The following DLGAP2 variants were observed in gnomAD, a reference collection of about 807,000 sequenced individuals.
The protein encoded by DLGAP2 is disks large-associated protein 2.
A neutral mutation model predicts 100.3 loss-of-function variants in DLGAP2; 26 were observed. The observed-to-expected ratio is 0.26, with a 90% confidence interval of 0.19 to 0.36. The LOEUF (loss-of-function observed/expected upper bound fraction) is 0.36. Among genes scored for constraint, DLGAP2 ranks in the 10% least tolerant of loss-of-function variants. The probability of loss-of-function intolerance (pLI) is 1.00; values close to 1 mark genes in which losing one functional copy is unlikely to be tolerated. For missense variants in DLGAP2, 1,858 were observed against 1,453.2 expected, an observed-to-expected ratio of 1.28 and a Z score of -4.53; for synonymous variants, 886 against 630.1, an observed-to-expected ratio of 1.41 and a Z score of -6.08.
At chr8:800,861 C>T (rs1796136889) in intron 1 of DLGAP2, among the ~76,000 whole-genome samples, 1 of 152,144 alleles carries the variant, frequency 6.6e-6, no homozygotes, top group South Asian at 2.1e-4. Flanking sequence ...GTCTCCAAGG[C>T]CGGGTCTGTA....
chr8:1,139,651 GC>G (rs1392748126), intron 2 of DLGAP2, among the ~76,000 whole-genome samples: 3 of 152,146 alleles, frequency 2.0e-5, no homozygotes, highest in Non-Finnish European at 4.4e-5. Context: ...TTAACATGAA[GC>G]CCAGGGAGAC....
At chr8:1,342,080 A>C (rs1801431093) in intron 3 of DLGAP2, among the ~76,000 whole-genome samples, 1 of 151,932 alleles carries the variant, frequency 6.6e-6, no homozygotes, top group South Asian at 2.1e-4. Flanking sequence ...CTTCCCAGGT[A>C]GCTGGGGCAA....
intron 4 of DLGAP2, among the ~76,000 whole-genome samples, chr8:1,514,774 C>A (rs959780892): frequency 6.6e-6 from 1 of 152,210 alleles, no homozygotes; most frequent in Admixed American, 6.5e-5. Flanking sequence ...GTCCATGTAG[C>A]TGCTGCATCT....
At chr8:989,383 A>G (rs1050554176) in intron 2 of DLGAP2, among the ~76,000 whole-genome samples, 1 of 152,104 alleles carries the variant, frequency 6.6e-6, no homozygotes, top group African/African-American at 2.4e-5. Context: ...TCCATAGTAG[A>G]CGTCCAAACC....
intron 1 of DLGAP2, among the ~76,000 whole-genome samples, chr8:782,678 A>G (rs932929358): frequency 2.6e-5 from 4 of 152,172 alleles, no homozygotes; most frequent in African/African-American, 9.7e-5. Flanking sequence ...CCACCCCTGA[A>G]CACTGATTTT....
intron 2 of DLGAP2, among the ~76,000 whole-genome samples, chr8:979,576 C>T (rs1584943106): frequency 6.6e-6 from 1 of 152,096 alleles, no homozygotes; most frequent in African/African-American, 2.4e-5. Context: ...TTTGCACCTG[C>T]CTGTAATGAT....
intron 1 of DLGAP2, among the ~76,000 whole-genome samples, chr8:789,595 C>T (rs1204126799): frequency 1.3e-5 from 2 of 152,190 alleles, no homozygotes; most frequent in African/African-American, 2.4e-5. Context: ...CTTAAATTTT[C>T]AGTTAGGTAA....
At chr8:1,079,651 G>T (rs937818745) in intron 2 of DLGAP2, among the ~76,000 whole-genome samples, 1 of 152,166 alleles carries the variant, frequency 6.6e-6, no homozygotes, top group African/African-American at 2.4e-5. Context: ...GGAACTCTCC[G>T]AGGTGCTGGA....
At chr8:779,735 G>C (rs779188340) in intron 1 of DLGAP2, among the ~76,000 whole-genome samples, 8 of 152,060 alleles carry the variant, frequency 5.3e-5, no homozygotes, top group African/African-American at 1.9e-4. Flanking sequence ...CTCTCAAGCA[G>C]ACACTAACAG....
At position 756,942 on chromosome 8, in the gene DLGAP2, C is replaced by G. The variant is rs548212958; in HGVS notation, c.18+19117C>G. Among the ~76,000 whole-genome samples, 17 of 152,306 alleles carry G rather than the reference C, an allele frequency of 1.1e-4. No homozygotes were observed. The South Asian group carries it at 3.5e-3, about 32-fold the overall frequency. ...AGACCCAGATTTCCCCTTTCTGGCT[C>G]TCGAGTTTTCTGCAAAATGTCCTCT... On this transcript the variant is annotated intron_variant, in intron 1 of 14. Coordinates refer to ENST00000637795, the MANE Select transcript of DLGAP2 (RefSeq NM_001346810.2).
At chr8:1,175,200 A>G (rs955935780) in intron 2 of DLGAP2, among the ~76,000 whole-genome samples, 2 of 152,298 alleles carry the variant, frequency 1.3e-5, no homozygotes, top group South Asian at 2.1e-4. Context: ...ATTACTAACT[A>G]GTAACCCGCA....
Position 993,441 on chromosome 8 carries a change from AGACCCCCTG to A in DLGAP2, c.73+85476_73+85484del. 5.7e-4 allele frequency among the ~76,000 whole-genome samples: 2 copies of A among 3,486 alleles called. 1 individual carries two copies. The highest frequency in any genetic ancestry group is 0.029 in the South Asian group (2 of 70). The allele number at this position is 3,486 out of a possible 152,430, so 2.3% of individuals were successfully genotyped here. A position where few individuals can be genotyped will look rare whatever the true frequency, so the allele number is the denominator to read the frequency against. On this transcript the variant is annotated intron_variant, in intron 2 of 14. Transcript: ENST00000637795. ...CCTGTTCTTCTCTCCCACCTTGCCC[AGACCCCCTG>A]CACCCCCATACTCGGAGTTCCTGTT... is the stretch of plus-strand genomic sequence containing the variant.
chr8:842,495 T>G (rs1249855511), intron 1 of DLGAP2, among the ~76,000 whole-genome samples: 3 of 152,230 alleles, frequency 2.0e-5, no homozygotes, highest in Admixed American at 2.0e-4. Context: ...ACTCTCTTTA[T>G]TGCTCAGTAA....
At chr8:1,306,910 C>G (rs752063623) in intron 3 of DLGAP2, among the ~76,000 whole-genome samples, 7 of 151,880 alleles carry the variant, frequency 4.6e-5, no homozygotes, top group Admixed American at 1.3e-4. Context: ...GATAAAAGAC[C>G]TAAACATAAG....
intron 2 of DLGAP2, among the ~76,000 whole-genome samples, chr8:1,180,441 C>G (rs551537728): frequency 6.6e-6 from 1 of 152,256 alleles, no homozygotes; most frequent in East Asian, 1.9e-4. Flanking sequence ...AAGCAGTCCT[C>G]TGCTTCAGGC....
At chr8:1,102,251 T>G (rs1302483057) in intron 2 of DLGAP2, among the ~76,000 whole-genome samples, 1 of 147,812 alleles carries the variant, frequency 6.8e-6, no homozygotes, top group African/African-American at 2.5e-5. Flanking sequence ...TGATTAATAT[T>G]AATATATATT....
chr8:838,574 T>C (rs1190122299), intron 1 of DLGAP2, among the ~76,000 whole-genome samples: 1 of 152,078 alleles, frequency 6.6e-6, no homozygotes, highest in Non-Finnish European at 1.5e-5. Flanking sequence ...TAATTATAGA[T>C]CCAGTGGATT....
At chr8:752,472 C>T (rs943854803) in intron 1 of DLGAP2, among the ~76,000 whole-genome samples, 19 of 152,186 alleles carry the variant, frequency 1.2e-4, no homozygotes, top group African/African-American at 4.6e-4. Context: ...GGTCGTGCCG[C>T]CAGGCAGAGG....
intron 3 of DLGAP2, among the ~76,000 whole-genome samples, chr8:1,464,854 T>A (rs193183335): frequency 4.1e-4 from 63 of 152,252 alleles, no homozygotes; most frequent in Middle Eastern, 3.4e-3. Context: ...GACCTTCCTA[T>A]GCAAGAGTTT....
Sources: gnomAD v4.1 joint callset for allele counts (sites outside exome capture counted in the v4.1 genomes callset) on GRCh38, gnomAD v4.1.1 for gene constraint, MANE v1.5 for transcripts, NCBI Gene and HGNC (gene_info 2026-07-23, HGNC 2026-07-21) for gene names.